SPATA6L: variants seen among roughly 807,000 people sequenced by gnomAD.
SPATA6L encodes the protein spermatogenesis associated 6-like protein.
Under a neutral mutation model 49.2 loss-of-function variants are expected in SPATA6L, and 68 were observed. The ratio of observed to expected loss-of-function variants is 1.38; its 90% CI spans 1.14 to 1.69. The LOEUF is 1.69. Ranked by LOEUF, SPATA6L falls within the 40% of genes most tolerant of loss-of-function variation. The probability of loss-of-function intolerance (pLI) is 0.00; values close to 1 mark genes in which losing one functional copy is unlikely to be tolerated. For synonymous variants in SPATA6L, 198 were observed against 165.7 expected, an observed-to-expected ratio of 1.19 and a Z score of -1.50; for missense variants, 668 against 464.3, an observed-to-expected ratio of 1.44 and a Z score of -4.03.
intron 13 of SPATA6L, among the ~76,000 whole-genome samples, chr9:4,591,559 C>G (rs529123937): frequency 2.6e-4 from 40 of 152,348 alleles, no homozygotes; most frequent in Non-Finnish European, 5.0e-4. Flanking sequence ...CTGCTTCTGT[C>G]TTCCCAGCAT....
intron 3 of SPATA6L, among the ~76,000 whole-genome samples, chr9:4,648,575 C>T (rs1836003624): frequency 6.6e-6 from 1 of 151,756 alleles, no homozygotes; most frequent in Non-Finnish European, 1.5e-5. Flanking sequence ...TGGCGGGAGC[C>T]TGTGGTCCCA....
At position 4,627,916 on chromosome 9, in the gene SPATA6L, T is replaced by A. The variant is rs981168096; in HGVS notation, c.429+1175A>T. On this transcript the variant is annotated intron_variant, in intron 5 of 11. Transcript: ENST00000682582. Reference sequence around the variant, plus strand: ...ATTATATTACATACACATAATGGAGTGCTATTCAGCCATTATTTTTTATGT... The same window carrying A: ...ATTATATTACATACACATAATGGAGAGCTATTCAGCCATTATTTTTTATGT... 7 of 757,102 alleles carry A rather than the reference T, an allele frequency of 9.2e-6. No individual in the cohort carries two copies. In the African/African-American group the frequency reaches 1.3e-4, roughly 14 times the overall value. 46.9% of individuals were successfully genotyped at this position (757,102 alleles called of 1,614,324 possible).
At chr9:4,594,616 C>A (rs905232173), downstream of SPATA6L, among the ~76,000 whole-genome samples, 1 of 152,112 alleles carries the variant, frequency 6.6e-6, no homozygotes, top group Non-Finnish European at 1.5e-5. Context: ...CAAGGCAGGT[C>A]TATAGAGGTT....
At chr9:4,631,701 C>T (rs1831589585) in intron 4 of SPATA6L, among the ~76,000 whole-genome samples, 2 of 152,150 alleles carry the variant, frequency 1.3e-5, no homozygotes, top group Non-Finnish European at 2.9e-5. Flanking sequence ...ATTTGTCTCA[C>T]ATATATGTAA....
intron 7 of SPATA6L, among the ~76,000 whole-genome samples, chr9:4,620,725 T>A (rs1372700927): frequency 6.6e-6 from 1 of 152,176 alleles, no homozygotes; most frequent in Non-Finnish European, 1.5e-5. Context: ...TCTGGAACCT[T>A]AGTTCTCCAC....
chr9:4,655,590 C>A (rs1199074763), intron 3 of SPATA6L, among the ~76,000 whole-genome samples: 2 of 151,632 alleles, frequency 1.3e-5, no homozygotes, highest in Admixed American at 1.3e-4. Flanking sequence ...GCTCTGCCAC[C>A]CAGTCTGGAG....
intron 9 of SPATA6L, among the ~76,000 whole-genome samples, chr9:4,615,678 A>G (rs12337177): frequency 0.014 from 2,079 of 152,260 alleles, 53 homozygotes; most frequent in African/African-American, 0.048. Context: ...ACCACAATCT[A>G]TCTCATATTC....
At chr9:4,639,707 G>A (rs969301425) in intron 3 of SPATA6L, among the ~76,000 whole-genome samples, 1 of 152,200 alleles carries the variant, frequency 6.6e-6, no homozygotes, top group South Asian at 2.1e-4. Context: ...CACAGACAGT[G>A]ACATCATCAA....
At chr9:4,610,103 C>T (rs1006172957) in intron 9 of SPATA6L, among the ~76,000 whole-genome samples, 1 of 152,066 alleles carries the variant, frequency 6.6e-6, no homozygotes, top group African/African-American at 2.4e-5. Flanking sequence ...TGTGAAGGAC[C>T]TCTTCAAGGA....
At chr9:4,623,233 T>C (rs1829737886) in intron 6 of SPATA6L, among the ~76,000 whole-genome samples, 1 of 152,112 alleles carries the variant, frequency 6.6e-6, no homozygotes, top group African/African-American at 2.4e-5. Context: ...TGAGCTGAGA[T>C]CATGCCATTG....
At chr9:4,653,070 A>T (rs1256580779) in intron 3 of SPATA6L, among the ~76,000 whole-genome samples, 1 of 152,248 alleles carries the variant, frequency 6.6e-6, no homozygotes, top group Non-Finnish European at 1.5e-5. Context: ...GTCTTGAAAA[A>T]GAAAAACTAA....
intron 3 of SPATA6L, among the ~76,000 whole-genome samples, chr9:4,647,078 A>C (rs1403655653): frequency 6.6e-6 from 1 of 152,100 alleles, no homozygotes; most frequent in African/African-American, 2.4e-5. Context: ...TAAAAAAAAA[A>C]GCATTTCACC....
intron 11 of SPATA6L, among the ~76,000 whole-genome samples, chr9:4,602,215 A>G (rs184255533): frequency 2.0e-5 from 3 of 151,826 alleles, no homozygotes; most frequent in Admixed American, 6.6e-5. Context: ...TCAGGGCTCT[A>G]TGTAACTTGA....
Position 4,662,703 on chromosome 9 carries a change from G to A in SPATA6L, c.40-667C>T. 1 of 1,601,630 alleles carries A rather than the reference G, an allele frequency of 6.2e-7. No homozygotes were observed. On this transcript the variant is annotated intron_variant, in intron 1 of 11. Transcript: ENST00000682582. This position sits in a 1 kb window ranked among gnomAD's most constrained non-coding sequence, Gnocchi z 4.9. ...CGCCCTGCGCTCCCTGCTGGCCATC[G>A]ACCTGTGGCTGTCCAAGAAGCTGGG...
chr9:4,659,343 T>A (rs1421528743), intron 2 of SPATA6L, among the ~76,000 whole-genome samples: 1 of 152,090 alleles, frequency 6.6e-6, no homozygotes. Flanking sequence ...GGATACAAAA[T>A]CAATGTGCAA....
intron 4 of SPATA6L, among the ~76,000 whole-genome samples, chr9:4,631,229 T>C (rs1831470633): frequency 1.3e-5 from 2 of 152,200 alleles, no homozygotes; most frequent in South Asian, 4.1e-4. Flanking sequence ...TCCAGTCTCC[T>C]TACCAATGGA....
At chr9:4,607,902 C>G (rs1311996990) in intron 9 of SPATA6L, among the ~76,000 whole-genome samples, 1 of 151,080 alleles carries the variant, frequency 6.6e-6, no homozygotes, top group Non-Finnish European at 1.5e-5. Context: ...GGAAACCCAT[C>G]TCACGTGCAG....
intron 3 of SPATA6L, among the ~76,000 whole-genome samples, chr9:4,644,683 TCTCA>T (rs1297831067): frequency 2.3e-3 from 318 of 136,376 alleles, no homozygotes; most frequent in East Asian, 7.7e-3. Flanking sequence ...TCTCTCTCTC[TCTCA>T]CACACACACA....
intron 2 of SPATA6L, among the ~76,000 whole-genome samples, chr9:4,657,045 C>G (rs1253971528): frequency 6.6e-6 from 1 of 152,112 alleles, no homozygotes; most frequent in African/African-American, 2.4e-5. Flanking sequence ...TAGCCATTGC[C>G]AAATCTTTAT....
Sources: gnomAD v4.1 joint callset for allele counts (sites outside exome capture counted in the v4.1 genomes callset) on GRCh38, gnomAD v4.1.1 for gene constraint, Gnocchi (gnomAD v3.1) non-coding constraint, MANE v1.5 for transcripts, NCBI Gene and HGNC (gene_info 2026-07-23, HGNC 2026-07-21) for gene names.